The following PSD2 variants were observed in gnomAD, a reference collection of about 807,000 sequenced individuals.
PSD2 encodes the protein pleckstrin and Sec7 domain containing 2.
Under a neutral mutation model 69.8 loss-of-function variants are expected in PSD2, and 38 were observed. The observed-to-expected ratio is 0.54, with a 90% CI of 0.42 to 0.71. The LOEUF (loss-of-function observed/expected upper bound fraction) is 0.71, where lower values mean the gene tolerates loss of function less well. PSD2 is among the 30% of genes least tolerant of loss of function. The pLI is 0.00. For synonymous variants in PSD2, 412 were observed against 423.0 expected, an observed-to-expected ratio of 0.97 and a Z score of 0.32; for missense variants, 943 against 1,014.5, an observed-to-expected ratio of 0.93 and a Z score of 0.96.
At chr5:139,757,078 T>C in the PSD2 span, among the ~76,000 whole-genome samples, 2 of 152,296 alleles carry the variant, frequency 1.3e-5, no homozygotes, top group East Asian at 1.9e-4. Context: ...ATGGCTGGGA[T>C]TGGAATCAGG....
chr5:139,770,073 G>A, the PSD2 span, among the ~76,000 whole-genome samples: 16 of 152,358 alleles, frequency 1.1e-4, no homozygotes, highest in Middle Eastern at 0.01. Context: ...TGCAGTGCTG[G>A]TGATGCCCGT....
chr5:139,808,628 T>C (rs997239915), intron 1 of PSD2, among the ~76,000 whole-genome samples: 1 of 152,126 alleles, frequency 6.6e-6, no homozygotes, highest in African/African-American at 2.4e-5. Context: ...TGAGCTCTGA[T>C]GGGGGCCCGG....
At chr5:139,816,385 T>C (rs1760122421) in intron 4 of PSD2, among the ~76,000 whole-genome samples, 1 of 152,250 alleles carries the variant, frequency 6.6e-6, no homozygotes, top group Admixed American at 6.5e-5. Context: ...CACATTGCAC[T>C]TGGCCGATTG....
chr5:139,838,767 T>C lies in PSD2; in HGVS notation c.1963T>C (p.Cys655Arg). 6.2e-7 allele frequency: 1 copy of C among 1,611,936 alleles called. No individual in the cohort carries two copies. The highest frequency in any genetic ancestry group is 8.5e-7 in the Non-Finnish European group (1 of 1,179,002). Residue 655 changes from cysteine to arginine, a missense_variant, in exon 13 of 15, where the codon TGC (cysteine) becomes CGC (arginine). Around this residue, in one of 3 missense-constraint regions of PSD2, gnomAD observed 165 missense variants for 168.8 expected, o/e 0.98. Transcript: ENST00000274710. ...GCTGCCCTCCTGCACCACCCGCCTCTGCCAGGTACATGTTCCTGGGTCAAC... is the reference window on the plus strand; with the variant it reads ...GCTGCCCTCCTGCACCACCCGCCTCCGCCAGGTACATGTTCCTGGGTCAAC... Reference protein sequence around the residue: ...PLLPSCTTRLCQEEQLRSHEN... With the variant: ...PLLPSCTTRLRQEEQLRSHEN...
At chr5:139,766,930 CT>C in the PSD2 span, among the ~76,000 whole-genome samples, 31 of 44,114 alleles carry the variant, frequency 7.0e-4, 1 homozygote, top group Admixed American at 2.2e-3. Flanking sequence ...CCTTCCTTCC[CT>C]TCTTTCTTTC....
the PSD2 span, among the ~76,000 whole-genome samples, chr5:139,767,956 C>T: frequency 6.6e-6 from 1 of 152,368 alleles, no homozygotes; most frequent in Admixed American, 6.5e-5. Context: ...TTCCAGAGTC[C>T]TCTGCCTCAG....
chr5:139,801,432 T>G (rs1048927709), intron 1 of PSD2, among the ~76,000 whole-genome samples: 7 of 152,174 alleles, frequency 4.6e-5, no homozygotes, highest in Non-Finnish European at 1.0e-4. Context: ...AGTCTTCCTC[T>G]TCCTTGAAAT....
the PSD2 span, among the ~76,000 whole-genome samples, chr5:139,756,826 A>G: frequency 3.1e-3 from 479 of 152,318 alleles, 6 homozygotes; most frequent in African/African-American, 0.011. Flanking sequence ...CCGCTGGGAA[A>G]TAGGGAAGCT....
At chr5:139,830,992 TG>T (rs1290902087) in intron 7 of PSD2, among the ~76,000 whole-genome samples, 3 of 152,148 alleles carry the variant, frequency 2.0e-5, no homozygotes, top group African/African-American at 7.2e-5. Flanking sequence ...GCCAACTTTT[TG>T]TCTGCTTGTT....
chr5:139,830,810 A>C (rs1581734586), intron 7 of PSD2, among the ~76,000 whole-genome samples: 6 of 129,150 alleles, frequency 4.6e-5, no homozygotes, highest in East Asian at 4.5e-4. Context: ...GTGAGCCACC[A>C]CACCTGGACT....
At chr5:139,787,430 T>C in the PSD2 span, among the ~76,000 whole-genome samples, 1 of 152,140 alleles carries the variant, frequency 6.6e-6, no homozygotes, top group African/African-American at 2.4e-5. Context: ...CGTGTCCTCA[T>C]AGGTAAAATG....
At chr5:139,817,582 C>A in intron 5 of PSD2, 21 bp downstream of exon 5, 1 of 1,588,788 alleles carries the variant, frequency 6.3e-7, no homozygotes, top group Non-Finnish European at 8.6e-7. Flanking sequence ...CTGGGACAGG[C>A]AGTGCCCACA....
the PSD2 span, among the ~76,000 whole-genome samples, chr5:139,761,074 T>A: frequency 6.6e-6 from 1 of 152,076 alleles, no homozygotes; most frequent in Non-Finnish European, 1.5e-5. Flanking sequence ...TCAGGGAAGA[T>A]GTGTGAGAGA....
chr5:139,818,598 C>A lies in PSD2; in HGVS notation c.1097+1037C>A, dbSNP rs147577116. On this transcript the variant is annotated intron_variant, in intron 5 of 14. Transcript: ENST00000274710. The stretch of plus-strand genomic sequence containing the variant: ...ACATACAAAAAAAGTAATTTCCATT[C>A]TTTTTTCTCTGCTTCTGTTGGGATA... Among the ~76,000 whole-genome samples, 833 of 152,238 alleles carry A rather than the reference C, an allele frequency of 5.5e-3. 7 individuals are homozygous for A. Among genetic ancestry groups the A allele is most frequent in the South Asian group, 9.1e-3 (44 of 4,814 alleles).
chr5:139,752,854 G>A, the PSD2 span, among the ~76,000 whole-genome samples: 4 of 152,216 alleles, frequency 2.6e-5, no homozygotes, highest in African/African-American at 9.6e-5. Context: ...TGAGTCGAGG[G>A]TGATTTATAA....
At chr5:139,799,688 G>A (rs73263133) in intron 1 of PSD2, among the ~76,000 whole-genome samples, 1 of 152,136 alleles carries the variant, frequency 6.6e-6, no homozygotes, top group Non-Finnish European at 1.5e-5. Flanking sequence ...CACAAGACAG[G>A]GGGGACAGCA....
the PSD2 span, among the ~76,000 whole-genome samples, chr5:139,748,295 G>T: frequency 3.9e-4 from 59 of 151,250 alleles, no homozygotes; most frequent in African/African-American, 1.4e-3. Flanking sequence ...CAGCACAAGA[G>T]CCCCAACTCT....
At chr5:139,804,762 G>A (rs1223089446) in intron 1 of PSD2, among the ~76,000 whole-genome samples, 2 of 152,144 alleles carry the variant, frequency 1.3e-5, no homozygotes, top group African/African-American at 2.4e-5. Flanking sequence ...TGTAGATCTC[G>A]CTGCCCTTAA....
At chr5:139,817,650 C>T (rs763089302) in intron 5 of PSD2, 89 bp downstream of exon 5, 14 of 1,141,092 alleles carry the variant, frequency 1.2e-5, no homozygotes, top group Non-Finnish European at 1.8e-5. Context: ...ACTTGCTGTA[C>T]AACCTTGGGC....
Sources: allele counts gnomAD v4.1 joint callset (sites outside exome capture counted in the v4.1 genomes callset), GRCh38; gene constraint gnomAD v4.1.1; regional missense constraint gnomAD v4.1.1; transcripts MANE v1.5; gene names NCBI Gene and HGNC (gene_info 2026-07-23, HGNC 2026-07-21).